TNIK: variants seen among roughly 807,000 people sequenced by gnomAD.
The protein encoded by TNIK is TRAF2 and NCK interacting kinase, also known as TRAF2 and NCK-interacting protein kinase.
A neutral mutation model predicts 191.3 loss-of-function variants in TNIK; 49 were observed. The observed-to-expected ratio is 0.26, with a 90% confidence interval of 0.20 to 0.32. The LOEUF (loss-of-function observed/expected upper bound fraction) is 0.32, where lower values mean the gene tolerates loss of function less well. Ranked by LOEUF, TNIK falls within the 10% of genes least tolerant of loss-of-function variation. The pLI is 1.00. For missense variants in TNIK, 1,155 were observed against 1,702.3 expected (o/e 0.68, Z 5.66); for synonymous variants, 594 against 600.9 (o/e 0.99, Z 0.17).
intron 4 of TNIK, 92 bp from the exon 5 acceptor site, chr3:171,194,727 G>T: frequency 9.5e-7 from 1 of 1,055,530 alleles, no homozygotes; most frequent in Non-Finnish European, 1.4e-6. Context: ...TGGCTGCTTT[G>T]GAATGCCATT....
At chr3:171,103,134 T>TA (rs1327665227) in intron 21 of TNIK, among the ~76,000 whole-genome samples, 1 of 152,118 alleles carries the variant, frequency 6.6e-6, no homozygotes, top group African/African-American at 2.4e-5. Flanking sequence ...TGGAAGCTGC[T>TA]AAAAATTCAA....
rs1157797867 is a variant in TNIK at position 171,182,154 on chromosome 3, T to C, written c.640-4774A>G. Among the ~76,000 whole-genome samples, 3 of 148,816 alleles carry C rather than the reference T, an allele frequency of 2.0e-5. No individual in the cohort carries two copies. In the East Asian group the frequency reaches 6.0e-4, roughly 30 times the overall value. On this transcript the variant is annotated intron_variant, in intron 7 of 32. Coordinates refer to ENST00000436636, the MANE Select transcript of TNIK (RefSeq NM_015028.4). ...GCTGCTTCCTTAAGCCTTCATTTGA[T>C]ATCATTGTTAGGATTTTTTTTTTTT...
At chr3:171,177,954 A>G (rs1736155057) in intron 7 of TNIK, among the ~76,000 whole-genome samples, 1 of 152,270 alleles carries the variant, frequency 6.6e-6, no homozygotes, top group Non-Finnish European at 1.5e-5. Flanking sequence ...GTGAAATCAC[A>G]TCATATGTGG....
chr3:171,222,302 A>C (rs190691825), intron 3 of TNIK, among the ~76,000 whole-genome samples: 5 of 152,132 alleles, frequency 3.3e-5, no homozygotes, highest in Non-Finnish European at 5.9e-5. Context: ...AGGCTTGGGC[A>C]AGTTTCTTGG....
intron 1 of TNIK, among the ~76,000 whole-genome samples, chr3:171,372,639 GC>G (rs1716670094): frequency 6.6e-6 from 1 of 152,286 alleles, no homozygotes; most frequent in African/African-American, 2.4e-5. Flanking sequence ...CATGTGGGAT[GC>G]CCCCCAATAC....
intron 1 of TNIK, among the ~76,000 whole-genome samples, chr3:171,397,802 C>T (rs1308662650): frequency 6.6e-6 from 1 of 152,164 alleles, no homozygotes; most frequent in African/African-American, 2.4e-5. Flanking sequence ...TAGAGTTTAT[C>T]AATGAAACTA....
chr3:171,106,398 G>T lies in TNIK; in HGVS notation c.2406+785C>A, dbSNP rs561855560. 5.3e-5 allele frequency among the ~76,000 whole-genome samples: 8 copies of T among 152,284 alleles called. No individual in the cohort carries two copies. The South Asian group carries it at 1.7e-3, about 32-fold the overall frequency. ...GGGAGCCAAGATTTGAATGCAGCTT[G>T]CTGACCTCAAAGCCAGTGCTTTTTC... is the stretch of plus-strand genomic sequence containing the variant. On this transcript the variant is annotated intron_variant, in intron 21 of 32. Coordinates refer to ENST00000436636, the MANE Select transcript of TNIK (RefSeq NM_015028.4).
At chr3:171,200,258 AGAAG>A (rs72322760) in intron 4 of TNIK, among the ~76,000 whole-genome samples, 40,741 of 151,866 alleles carry the variant, frequency 0.27, 5,701 homozygotes, top group East Asian at 0.49. Context: ...TTGAGAAGAA[AGAAG>A]GAAGGTCAAG....
At chr3:171,368,205 G>A (rs113389384) in intron 2 of TNIK, among the ~76,000 whole-genome samples, 3,243 of 152,226 alleles carry the variant, frequency 0.021, 108 homozygotes, top group African/African-American at 0.071. Context: ...TCTCCCAAAT[G>A]TATATTCTAT....
chr3:171,294,806 G>A (rs1171410782), intron 2 of TNIK, among the ~76,000 whole-genome samples: 1 of 152,082 alleles, frequency 6.6e-6, no homozygotes, highest in Non-Finnish European at 1.5e-5. Flanking sequence ...AGTTCTAATT[G>A]CTATAACAGA....
chr3:171,306,617 C>G (rs1490190843), intron 2 of TNIK, among the ~76,000 whole-genome samples: 1 of 152,148 alleles, frequency 6.6e-6, no homozygotes, highest in Non-Finnish European at 1.5e-5. Context: ...AATGGTGAGA[C>G]TCTTAAACGT....
At chr3:171,357,218 A>G (rs942990575) in intron 2 of TNIK, among the ~76,000 whole-genome samples, 7 of 152,148 alleles carry the variant, frequency 4.6e-5, no homozygotes, top group African/African-American at 1.7e-4. Context: ...CTTAATTTAT[A>G]TACTCAAACA....
chr3:171,107,518 G>T (rs1725097504), intron 20 of TNIK, among the ~76,000 whole-genome samples: 1 of 152,104 alleles, frequency 6.6e-6, no homozygotes, highest in Non-Finnish European at 1.5e-5. Context: ...TCAAATTTTA[G>T]CCTCCATACT....
intron 1 of TNIK, among the ~76,000 whole-genome samples, chr3:171,376,172 A>C (rs1440442711): frequency 6.6e-6 from 1 of 152,236 alleles, no homozygotes; most frequent in Non-Finnish European, 1.5e-5. Flanking sequence ...GAACAAAGAA[A>C]ACAGGAACAG....
In TNIK at chr3:171,062,830, C is replaced by T. The variant is rs1717965623; in HGVS notation, c.*1051G>A. 6.6e-6 allele frequency: 1 copy of T among 152,146 alleles called. No homozygotes were observed. The highest frequency in any genetic ancestry group is 2.4e-5 in the African/African-American group (1 of 41,420). 9.4% of individuals were successfully genotyped at this position (152,146 alleles called of 1,614,324 possible). ...AGAAAGTGGCACCCTCGGGAGAGCG[C>T]TGGGAATGTTCAGAGCCTGAATATC... is the stretch of plus-strand genomic sequence containing the variant. On this transcript the variant is annotated 3_prime_UTR_variant, in exon 33 of 33. Transcript: ENST00000436636.
rs78165443 is a variant in TNIK at position 171,380,406 on chromosome 3, A to T, written c.58-10721T>A. Among the ~76,000 whole-genome samples the T allele has an allele frequency of 2.5e-3, 381 of 152,364 alleles. 2 individuals are homozygous for T. The highest frequency in any genetic ancestry group is 4.8e-3 in the Non-Finnish European group (328 of 68,038). The stretch of plus-strand genomic sequence containing the variant: ...GGTTACCTAAATAATTAAGAAAGAA[A>T]GATTAGGAAACAATTCAAGGTTCTG... On this transcript the variant is annotated intron_variant, in intron 1 of 32. Transcript: ENST00000436636.
At chr3:171,099,922 A>T (rs1560106792) in intron 22 of TNIK, among the ~76,000 whole-genome samples, 1 of 152,166 alleles carries the variant, frequency 6.6e-6, no homozygotes. Context: ...GTTCCTCCAA[A>T]TGTTTATATT....
At chr3:171,229,425 T>C (rs1447901310) in intron 2 of TNIK, among the ~76,000 whole-genome samples, 5 of 152,182 alleles carry the variant, frequency 3.3e-5, no homozygotes, top group African/African-American at 1.2e-4. Context: ...CATGTATAAT[T>C]GTGGTGTGGA....
intron 7 of TNIK, among the ~76,000 whole-genome samples, chr3:171,185,178 C>CGTGTGTGTGTGTGTGTGTGTGT (rs148499254): frequency 9.2e-4 from 134 of 145,974 alleles, no homozygotes; most frequent in Non-Finnish European, 1.2e-3. Context: ...ATAGATTTCC[C>CGTGTGTGTGTGTGTGTGTGTGT]GTGTGTGTGT....
Sources: allele counts gnomAD v4.1 joint callset (sites outside exome capture counted in the v4.1 genomes callset), GRCh38; gene constraint gnomAD v4.1.1; transcripts MANE v1.5; gene names NCBI Gene and HGNC (gene_info 2026-07-23, HGNC 2026-07-21).